Variants in CAMKMT observed in about 807,000 individuals in gnomAD.
The protein encoded by CAMKMT is calmodulin-lysine N-methyltransferase, also known as CaM KMT.
Under a neutral mutation model 48.0 loss-of-function variants are expected in CAMKMT, and 53 were observed. That is an observed-to-expected ratio of 1.10 (90% CI 0.89 to 1.39). CAMKMT has a LOEUF of 1.39. CAMKMT is among the 40% of genes most tolerant of loss of function. CAMKMT has a pLI of 0.00. For synonymous variants in CAMKMT, 165 were observed against 152.3 expected, an observed-to-expected ratio of 1.08 and a Z score of -0.61; for missense variants, 428 against 402.7, an observed-to-expected ratio of 1.06 and a Z score of -0.54.
intron 3 of CAMKMT, among the ~76,000 whole-genome samples, chr2:44,646,144 G>T (rs570676072): frequency 6.6e-6 from 1 of 152,256 alleles, no homozygotes; most frequent in East Asian, 1.9e-4. Context: ...ATAATAGTCT[G>T]CCAAAATTAT....
At position 44,704,700 on chromosome 2, in the gene CAMKMT, A is replaced by T. The variant is rs76541756; in HGVS notation, c.437+357A>T. ...GAAGGTCAAAAAAAAAAAAAAAAAA[A>T]CCAATAAAGACATTCTTTAAACTTC... On this transcript the variant is annotated intron_variant, in intron 4 of 10. Transcript: ENST00000378494. 2.0e-5 allele frequency among the ~76,000 whole-genome samples: 3 copies of T among 149,388 alleles called. No homozygotes were observed. In the East Asian group the frequency reaches 5.8e-4, roughly 29 times the overall value.
intron 1 of CAMKMT, among the ~76,000 whole-genome samples, chr2:44,365,944 G>T (rs1207390624): frequency 1.3e-5 from 2 of 152,202 alleles, no homozygotes; most frequent in African/African-American, 4.8e-5. Flanking sequence ...AATTGAAAAA[G>T]TTGGTTAAGA....
chr2:44,661,748 G>A (rs2104085883), intron 3 of CAMKMT, among the ~76,000 whole-genome samples: 2 of 152,268 alleles, frequency 1.3e-5, no homozygotes, highest in South Asian at 4.1e-4. Flanking sequence ...CCCAACAGTG[G>A]CATTAGAGTT....
At chr2:44,425,117 A>G (rs951371261) in intron 3 of CAMKMT, among the ~76,000 whole-genome samples, 1 of 152,246 alleles carries the variant, frequency 6.6e-6, no homozygotes, top group Non-Finnish European at 1.5e-5. Context: ...TTCAAATTGC[A>G]TGGACTCCTT....
intron 8 of CAMKMT, among the ~76,000 whole-genome samples, chr2:44,747,063 C>T (rs909511714): frequency 3.3e-5 from 5 of 152,160 alleles, no homozygotes; most frequent in South Asian, 2.1e-4. Flanking sequence ...ATACCCTGAC[C>T]GGCCCATTGA....
intron 2 of CAMKMT, among the ~76,000 whole-genome samples, chr2:44,387,994 A>G (rs1414558197): frequency 2.0e-5 from 3 of 152,206 alleles, no homozygotes; most frequent in Non-Finnish European, 2.9e-5. Flanking sequence ...TTGATAATCG[A>G]TGGCAGTGTG....
At chr2:44,706,432 C>G (rs1403879097) in intron 5 of CAMKMT, 91 bp downstream of exon 5, 1 of 1,247,854 alleles carries the variant, frequency 8.0e-7, no homozygotes, top group Admixed American at 1.7e-5. Flanking sequence ...AGAGAACCGT[C>G]AACAGCATCA....
At chr2:44,527,636 C>T (rs995437782) in intron 3 of CAMKMT, among the ~76,000 whole-genome samples, 8 of 151,524 alleles carry the variant, frequency 5.3e-5, no homozygotes, top group African/African-American at 1.5e-4. Context: ...CAGCAGTGTT[C>T]TGATTTTGTG....
intron 3 of CAMKMT, among the ~76,000 whole-genome samples, chr2:44,523,454 A>G (rs1299279223): frequency 6.6e-6 from 1 of 151,876 alleles, no homozygotes; most frequent in Non-Finnish European, 1.5e-5. Flanking sequence ...CACCACACCC[A>G]GCTAATTTTT....
intron 3 of CAMKMT, among the ~76,000 whole-genome samples, chr2:44,449,256 C>T (rs771018028): frequency 1.2e-4 from 18 of 152,070 alleles, no homozygotes; most frequent in Non-Finnish European, 1.5e-4. Context: ...CTTGTGAGAA[C>T]CTGAAGGGAA....
intron 9 of CAMKMT, among the ~76,000 whole-genome samples, chr2:44,763,426 T>C (rs1680698868): frequency 6.6e-6 from 1 of 152,242 alleles, no homozygotes; most frequent in Non-Finnish European, 1.5e-5. Flanking sequence ...ATTCTTTAGA[T>C]TACTCAACTT....
chr2:44,627,803 G>C (rs535277505), intron 3 of CAMKMT, among the ~76,000 whole-genome samples: 1 of 139,084 alleles, frequency 7.2e-6, no homozygotes, highest in East Asian at 2.3e-4. Context: ...GGATTCAAGC[G>C]ATTCTCATTC....
intron 3 of CAMKMT, among the ~76,000 whole-genome samples, chr2:44,648,676 T>C (rs1673889676): frequency 1.3e-5 from 2 of 152,210 alleles, no homozygotes; most frequent in South Asian, 4.1e-4. Flanking sequence ...ACCTTGGGTG[T>C]ATTTCTTAAC....
intron 3 of CAMKMT, among the ~76,000 whole-genome samples, chr2:44,464,705 C>T (rs1024268008): frequency 6.6e-6 from 1 of 151,984 alleles, no homozygotes; most frequent in African/African-American, 2.4e-5. Context: ...AAAAAACTGC[C>T]AATAATACTG....
At chr2:44,397,699 C>T (rs1455548150) in intron 3 of CAMKMT, among the ~76,000 whole-genome samples, 1 of 151,486 alleles carries the variant, frequency 6.6e-6, no homozygotes, top group African/African-American at 2.4e-5. Context: ...AGGAAAAAGA[C>T]ACATTTGTTA....
chr2:44,372,914 T>C (rs1558547064), intron 2 of CAMKMT, 26 bp downstream of exon 2: 2 of 1,564,530 alleles, frequency 1.3e-6, no homozygotes, highest in African/African-American at 2.7e-5. Context: ...GTTAAGATTT[T>C]GTAAACACTA....
At chr2:44,686,276 C>A (rs1676330106) in intron 3 of CAMKMT, among the ~76,000 whole-genome samples, 2 of 151,770 alleles carry the variant, frequency 1.3e-5, no homozygotes, top group African/African-American at 4.8e-5. Context: ...GCCTGTAGTC[C>A]CAGCTACTCG....
chr2:44,375,704 A>G (rs148571157), intron 2 of CAMKMT, among the ~76,000 whole-genome samples: 12 of 152,318 alleles, frequency 7.9e-5, no homozygotes, highest in African/African-American at 2.6e-4. Flanking sequence ...ATCAGAGGCT[A>G]CTGAGAAGAG....
intron 7 of CAMKMT, among the ~76,000 whole-genome samples, chr2:44,739,467 G>A (rs1034072752): frequency 6.6e-6 from 1 of 152,212 alleles, no homozygotes; most frequent in Non-Finnish European, 1.5e-5. Context: ...AAGACTGAAT[G>A]AAGTGAGTTT....
Sources: gnomAD v4.1 joint callset for allele counts (sites outside exome capture counted in the v4.1 genomes callset) on GRCh38, gnomAD v4.1.1 for gene constraint, MANE v1.5 for transcripts, NCBI Gene and HGNC (gene_info 2026-07-23, HGNC 2026-07-21) for gene names.